The following CSGALNACT1 variants were observed in gnomAD, a reference collection of about 807,000 sequenced individuals.
The protein encoded by CSGALNACT1 is beta4GalNAcT-1.
A neutral mutation model predicts 51.0 loss-of-function variants in CSGALNACT1; 52 were observed. That is an observed-to-expected ratio of 1.02 (90% confidence interval 0.82 to 1.29). The LOEUF is 1.29. Among genes scored for constraint, CSGALNACT1 ranks in the 50% most tolerant of loss-of-function variants. CSGALNACT1 has a pLI of 0.00. For synonymous variants in CSGALNACT1, 341 were observed against 254.4 expected, an observed-to-expected ratio of 1.34 and a Z score of -3.24; for missense variants, 935 against 679.2, an observed-to-expected ratio of 1.38 and a Z score of -4.19.
chr8:19,728,001 G>A (rs1008747239), intron 1 of CSGALNACT1, among the ~76,000 whole-genome samples: 8 of 152,128 alleles, frequency 5.3e-5, no homozygotes, highest in South Asian at 4.1e-4. Flanking sequence ...TTCCAAGTGC[G>A]ACTGGAGTTC....
chr8:19,686,394 C>G (rs923459807), upstream of CSGALNACT1, among the ~76,000 whole-genome samples: 8 of 152,194 alleles, frequency 5.3e-5, no homozygotes, highest in African/African-American at 1.9e-4. Context: ...CCCACCAGGT[C>G]TCAGGAGCTA....
At chr8:19,527,341 C>G (rs1006725371) in intron 3 of CSGALNACT1, among the ~76,000 whole-genome samples, 23 of 152,146 alleles carry the variant, frequency 1.5e-4, no homozygotes, top group African/African-American at 5.6e-4. Flanking sequence ...TGGCTCACAC[C>G]TGTAATCTCA....
intron 1 of CSGALNACT1, among the ~76,000 whole-genome samples, chr8:19,644,844 C>T (rs894753475): frequency 3.4e-5 from 5 of 149,084 alleles, no homozygotes; most frequent in African/African-American, 1.2e-4. Context: ...ACTGCAGATA[C>T]AAAAAAATCA....
chr8:19,567,620 C>G (rs747738456), intron 3 of CSGALNACT1, among the ~76,000 whole-genome samples: 5 of 152,108 alleles, frequency 3.3e-5, no homozygotes, highest in African/African-American at 1.2e-4. Flanking sequence ...TACTCAAGAT[C>G]TAAGCCTATG....
At chr8:19,436,282 A>G (rs2153739815) in intron 6 of CSGALNACT1, among the ~76,000 whole-genome samples, 1 of 152,320 alleles carries the variant, frequency 6.6e-6, no homozygotes, top group Middle Eastern at 3.4e-3. Flanking sequence ...CTTTCAACTA[A>G]CAACTATGGG....
intron 6 of CSGALNACT1, among the ~76,000 whole-genome samples, chr8:19,434,489 A>G (rs1419991508): frequency 1.3e-5 from 2 of 152,226 alleles, no homozygotes; most frequent in Non-Finnish European, 2.9e-5. Context: ...GCATCTCCCA[A>G]GAAGCAAGAT....
intron 1 of CSGALNACT1, among the ~76,000 whole-genome samples, chr8:19,749,028 C>T (rs1232748206): frequency 6.6e-6 from 1 of 151,642 alleles, no homozygotes; most frequent in African/African-American, 2.4e-5. Context: ...GGTCGTTGTG[C>T]ATGACTCCGT....
At chr8:19,629,419 T>C (rs987828196) in intron 1 of CSGALNACT1, among the ~76,000 whole-genome samples, 9 of 152,176 alleles carry the variant, frequency 5.9e-5, no homozygotes, top group African/African-American at 2.2e-4. Context: ...TCCTCGTAGG[T>C]AACTATGAAG....
chr8:19,424,613 A>G (rs2058490226), intron 6 of CSGALNACT1, among the ~76,000 whole-genome samples: 1 of 152,192 alleles, frequency 6.6e-6, no homozygotes, highest in Admixed American at 6.5e-5. Context: ...AGAACAGGAT[A>G]TGACAAGATG....
intron 6 of CSGALNACT1, among the ~76,000 whole-genome samples, chr8:19,436,408 G>A (rs1424321229): frequency 6.6e-6 from 1 of 152,156 alleles, no homozygotes; most frequent in Non-Finnish European, 1.5e-5. Flanking sequence ...CACAGCCTGA[G>A]TAACGACCTC....
chr8:19,518,981 C>A (rs60493544), intron 3 of CSGALNACT1, among the ~76,000 whole-genome samples: 1,795 of 152,286 alleles, frequency 0.012, 40 homozygotes, highest in African/African-American at 0.041. Flanking sequence ...GATCCTTGTA[C>A]ATTATGAGCA....
chr8:19,571,828 C>T (rs1282470112), intron 3 of CSGALNACT1, among the ~76,000 whole-genome samples: 2 of 152,196 alleles, frequency 1.3e-5, no homozygotes, highest in African/African-American at 4.8e-5. Flanking sequence ...CAGACAAGGG[C>T]TGCCTGGAAA....
chr8:19,487,286 C>A (rs188744221), intron 4 of CSGALNACT1, among the ~76,000 whole-genome samples: 1 of 152,284 alleles, frequency 6.6e-6, no homozygotes, highest in Non-Finnish European at 1.5e-5. Context: ...CAAATGAGAA[C>A]ATTTCACCTC....
intron 4 of CSGALNACT1, among the ~76,000 whole-genome samples, chr8:19,481,955 G>A (rs1388071480): frequency 1.3e-5 from 2 of 152,196 alleles, no homozygotes; most frequent in Non-Finnish European, 2.9e-5. Flanking sequence ...CAGGAGTGCA[G>A]GGGGCTTTTT....
intron 5 of CSGALNACT1, among the ~76,000 whole-genome samples, chr8:19,447,560 C>T (rs1311040396): frequency 2.0e-5 from 3 of 152,168 alleles, no homozygotes; most frequent in Non-Finnish European, 2.9e-5. Flanking sequence ...GTGGGAGGTG[C>T]TGTGATGTAC....
chr8:19,426,542 T>C (rs1355279296), intron 6 of CSGALNACT1, among the ~76,000 whole-genome samples: 1 of 152,238 alleles, frequency 6.6e-6, no homozygotes, highest in East Asian at 1.9e-4. Flanking sequence ...TTACATAACT[T>C]CCTGTTATGA....
At chr8:19,452,553 C>T (rs2063368721) in intron 5 of CSGALNACT1, among the ~76,000 whole-genome samples, 2 of 152,150 alleles carry the variant, frequency 1.3e-5, no homozygotes, top group African/African-American at 4.8e-5. Context: ...GACATATATG[C>T]ATCTCCCCCA....
intron 1 of CSGALNACT1, among the ~76,000 whole-genome samples, chr8:19,691,795 C>T (rs1034797787): frequency 4.6e-5 from 7 of 152,168 alleles, no homozygotes; most frequent in African/African-American, 1.4e-4. Context: ...TAGTGATTCT[C>T]CAAGTGTGTC....
intron 3 of CSGALNACT1, among the ~76,000 whole-genome samples, chr8:19,581,870 T>G (rs1444578017): frequency 6.6e-6 from 1 of 152,232 alleles, no homozygotes; most frequent in Non-Finnish European, 1.5e-5. Flanking sequence ...TATTTTTAAA[T>G]GGTGAGCTCA....
Sources: allele counts gnomAD v4.1 joint callset (sites outside exome capture counted in the v4.1 genomes callset), GRCh38; gene constraint gnomAD v4.1.1; transcripts MANE v1.5; gene names NCBI Gene and HGNC (gene_info 2026-07-23, HGNC 2026-07-21).